CYRIB: variants seen among roughly 807,000 people sequenced by gnomAD.
CYRIB encodes the protein CYFIP related Rac1 interactor B, also known as CYFIP-related Rac1 interactor B.
In CYRIB, 8 loss-of-function variants were observed where a neutral mutation model predicts 44.2. The ratio of observed to expected loss-of-function variants is 0.18; its 90% CI spans 0.11 to 0.33. CYRIB has a LOEUF of 0.33. Among genes scored for constraint, CYRIB ranks in the 10% least tolerant of loss-of-function variants. CYRIB has a pLI of 1.00. For synonymous variants in CYRIB, 131 were observed against 127.2 expected, an observed-to-expected ratio of 1.03 and a Z score of -0.20; for missense variants, 185 against 382.8, an observed-to-expected ratio of 0.48 and a Z score of 4.31.
chr8:129,990,643 T>C (rs1564666159), intron 1 of CYRIB, among the ~76,000 whole-genome samples: 1 of 152,056 alleles, frequency 6.6e-6, no homozygotes, highest in Non-Finnish European at 1.5e-5. Context: ...TGCCTCAGCC[T>C]CCCAAGTAGC....
chr8:129,878,592 T>C (rs2059918257), intron 3 of CYRIB, among the ~76,000 whole-genome samples: 1 of 152,186 alleles, frequency 6.6e-6, no homozygotes, highest in South Asian at 2.1e-4. Flanking sequence ...TAAAATAGCA[T>C]CATTCACACT....
intron 1 of CYRIB, among the ~76,000 whole-genome samples, chr8:129,999,143 G>A (rs938023798): frequency 2.6e-5 from 4 of 152,088 alleles, no homozygotes; most frequent in African/African-American, 9.7e-5. Context: ...GGGGTGGGAC[G>A]CAGGAGGGGC....
chr8:129,872,504 T>C (rs2057676701), intron 3 of CYRIB, among the ~76,000 whole-genome samples: 2 of 152,108 alleles, frequency 1.3e-5, no homozygotes, highest in South Asian at 4.1e-4. Context: ...ACAAATCTTT[T>C]ATATTTTAAG....
At chr8:129,873,755 G>A (rs2058181370) in intron 3 of CYRIB, among the ~76,000 whole-genome samples, 1 of 151,982 alleles carries the variant, frequency 6.6e-6, no homozygotes, top group Non-Finnish European at 1.5e-5. Context: ...ACATTATCAA[G>A]TAGACTTAAG....
At chr8:129,914,195 G>A (rs138199152) in intron 1 of CYRIB, among the ~76,000 whole-genome samples, 22 of 152,212 alleles carry the variant, frequency 1.4e-4, no homozygotes, top group Middle Eastern at 3.4e-3. Flanking sequence ...CAACAAAGAC[G>A]AAAGTGAAGC....
chr8:129,847,063 A>C, intron 10 of CYRIB, 189 bp from the exon 13 acceptor site: 2 of 481,718 alleles, frequency 4.2e-6, no homozygotes, highest in Non-Finnish European at 7.2e-6. Context: ...GTGAAAACAA[A>C]ATCTTTTTGA....
chr8:129,862,150 A>T, intron 5 of CYRIB, 79 bp downstream of exon 7: 1 of 1,045,362 alleles, frequency 9.6e-7, no homozygotes, highest in Non-Finnish European at 1.5e-6. Flanking sequence ...CATTATGAAC[A>T]TAAAAAAACT....
At chr8:130,015,487 C>T (rs187806942) in intron 1 of CYRIB, among the ~76,000 whole-genome samples, 109 of 152,286 alleles carry the variant, frequency 7.2e-4, no homozygotes, top group African/African-American at 2.3e-3. Context: ...GCGGCAGGGC[C>T]AGGAATTAAA....
chr8:129,985,068 C>T (rs1411951354), intron 1 of CYRIB, among the ~76,000 whole-genome samples: 1 of 152,194 alleles, frequency 6.6e-6, no homozygotes, highest in Non-Finnish European at 1.5e-5. Context: ...CCACGCCCCA[C>T]CCAAGTAGTG....
chr8:129,884,983 A>G (rs1257803759), intron 2 of CYRIB, among the ~76,000 whole-genome samples: 1 of 152,266 alleles, frequency 6.6e-6, no homozygotes, highest in Non-Finnish European at 1.5e-5. Flanking sequence ...AGGCACTTAA[A>G]TACATTAGAC....
intron 1 of CYRIB, among the ~76,000 whole-genome samples, chr8:130,003,852 A>G (rs2096966061): frequency 6.6e-6 from 1 of 152,162 alleles, no homozygotes. Flanking sequence ...CAGGGCCTCA[A>G]GGACTATGGG....
chr8:129,962,169 G>A (rs2095291866), intron 2 of CYRIB, among the ~76,000 whole-genome samples: 1 of 151,952 alleles, frequency 6.6e-6, no homozygotes, highest in Non-Finnish European at 1.5e-5. Flanking sequence ...ACCTGAGCCT[G>A]GGAAGTCAAG....
chr8:129,970,494 A>C (rs1475698964), intron 2 of CYRIB: 1 of 148,300 alleles, frequency 6.7e-6, no homozygotes, highest in Admixed American at 6.9e-5. Flanking sequence ...ATCTCAGCTC[A>C]CTGCAACCTC....
At chr8:129,970,808 T>C (rs1280269846) in intron 2 of CYRIB, 135 bp downstream of exon 2, 4 of 152,086 alleles carry the variant, frequency 2.6e-5, no homozygotes, top group Admixed American at 2.0e-4. Context: ...AGGTAGGAGG[T>C]TCTTATTTCT....
At chr8:129,943,349 G>A (rs1450162390), upstream of CYRIB, among the ~76,000 whole-genome samples, 1 of 151,834 alleles carries the variant, frequency 6.6e-6, no homozygotes, top group African/African-American at 2.4e-5. Context: ...TATTTTGGGA[G>A]GCTGAGGCAG....
chr8:129,974,696 T>TA (rs761290436), intron 1 of CYRIB, among the ~76,000 whole-genome samples: 2,478 of 134,996 alleles, frequency 0.018, 24 homozygotes, highest in African/African-American at 0.042. Context: ...TTACTAGAAG[T>TA]AAAAAAAAAA....
Position 130,015,085 on chromosome 8 carries a change from T to C in CYRIB, c.-296+1285A>G, listed in dbSNP as rs75640067. The stretch of plus-strand genomic sequence containing the variant: ...AAGCCCTTTTTCACAAGGGAGTCAG[T>C]ATTTTCACAAGATGGTCTTCCTCAG... On this transcript the variant is annotated intron_variant, in intron 1 of 14. Coordinates refer to the CYRIB transcript ENST00000401979. 9.5e-3 allele frequency among the ~76,000 whole-genome samples: 1,444 copies of C among 152,282 alleles called. 24 individuals are homozygous for C. The highest frequency in any genetic ancestry group is 0.034 in the African/African-American group (1,402 of 41,548).
chr8:129,908,965 TA>T (rs2076768435), intron 1 of CYRIB, among the ~76,000 whole-genome samples: 1 of 152,134 alleles, frequency 6.6e-6, no homozygotes, highest in Non-Finnish European at 1.5e-5. Flanking sequence ...AAAATGTTTT[TA>T]AATAAAATAG....
intron 1 of CYRIB, 103 bp from the exon 3 acceptor site, chr8:129,904,688 A>T (rs997554730): frequency 6.6e-6 from 1 of 152,176 alleles, no homozygotes; most frequent in African/African-American, 2.4e-5. Flanking sequence ...ACCTCACTGG[A>T]TGCTCCTTCT....
Sources: allele counts gnomAD v4.1 joint callset (sites outside exome capture counted in the v4.1 genomes callset), GRCh38; gene constraint gnomAD v4.1.1; transcripts MANE v1.5; gene names NCBI Gene and HGNC (gene_info 2026-07-23, HGNC 2026-07-21).